Variants in PLCB1 observed in about 807,000 individuals in gnomAD.
PLCB1 encodes the protein 1-phosphatidylinositol 4,5-bisphosphate phosphodiesterase beta-1.
In PLCB1, 46 loss-of-function variants were observed where a neutral mutation model predicts 161.8. The ratio of observed to expected loss-of-function variants is 0.28; its 90% CI spans 0.22 to 0.36. The LOEUF (loss-of-function observed/expected upper bound fraction) is 0.36, where lower values mean the gene tolerates loss of function less well. PLCB1 is among the 10% of genes least tolerant of loss of function. PLCB1 has a pLI of 1.00. For synonymous variants in PLCB1, 517 were observed against 503.7 expected, an observed-to-expected ratio of 1.03 and a Z score of -0.35; for missense variants, 1,016 against 1,472.5, an observed-to-expected ratio of 0.69 and a Z score of 5.07.
intron 31 of PLCB1, among the ~76,000 whole-genome samples, chr20:8,803,556 T>C (rs1432397928): frequency 6.6e-6 from 1 of 152,040 alleles, no homozygotes; most frequent in Non-Finnish European, 1.5e-5. Flanking sequence ...GATCATTTTG[T>C]TTCTGTATTA....
intron 31 of PLCB1, among the ~76,000 whole-genome samples, chr20:8,820,733 A>C (rs1031330059): frequency 6.6e-5 from 10 of 152,156 alleles, no homozygotes; most frequent in Non-Finnish European, 1.3e-4. Context: ...AAAATAACCC[A>C]CCTATAATAG....
intron 31 of PLCB1, among the ~76,000 whole-genome samples, chr20:8,852,919 G>T (rs1456690703): frequency 6.6e-6 from 1 of 152,188 alleles, no homozygotes; most frequent in East Asian, 1.9e-4. Context: ...CCTGAGTGGT[G>T]GCCAGAAGTT....
intron 3 of PLCB1, among the ~76,000 whole-genome samples, chr20:8,388,296 T>C (rs1326912414): frequency 6.6e-6 from 1 of 152,214 alleles, no homozygotes; most frequent in Non-Finnish European, 1.5e-5. Context: ...TCATAGAATC[T>C]GGATGCCAAT....
At chr20:8,221,434 G>A (rs1359735921) in intron 2 of PLCB1, among the ~76,000 whole-genome samples, 5 of 152,054 alleles carry the variant, frequency 3.3e-5, no homozygotes, top group Admixed American at 6.6e-5. Context: ...ATAAAACCAA[G>A]AAATTGAAAG....
chr20:8,375,614 T>G (rs909767984), intron 3 of PLCB1, among the ~76,000 whole-genome samples: 4 of 152,202 alleles, frequency 2.6e-5, no homozygotes. Flanking sequence ...CAAGATCATT[T>G]CTTCAGCCTC....
At chr20:8,719,031 A>G (rs544207755) in intron 14 of PLCB1, among the ~76,000 whole-genome samples, 1 of 152,262 alleles carries the variant, frequency 6.6e-6, no homozygotes, top group South Asian at 2.1e-4. Context: ...GCTGTGGTTG[A>G]TGAGAAAAGA....
chr20:8,452,738 G>T (rs2122653004), intron 3 of PLCB1, among the ~76,000 whole-genome samples: 1 of 152,340 alleles, frequency 6.6e-6, no homozygotes, highest in Non-Finnish European at 1.5e-5. Flanking sequence ...AATGATATTT[G>T]ATTTGGGATT....
At position 8,177,642 on chromosome 20, in the gene PLCB1, T is replaced by A. The variant is rs549803241; in HGVS notation, c.177+27271T>A. Among the ~76,000 whole-genome samples, 245 of 152,258 alleles carry A rather than the reference T, an allele frequency of 1.6e-3. 1 individual carries two copies. The highest frequency in any genetic ancestry group is 5.7e-3 in the African/African-American group (237 of 41,572). Reference sequence around the variant, plus strand: ...TTATTATTATTATTATTACTATTTTTAAAATTTTACTTTACTCATGTTTGT... The same window carrying A: ...TTATTATTATTATTATTACTATTTTAAAAATTTTACTTTACTCATGTTTGT... On this transcript the variant is annotated intron_variant, in intron 2 of 31. Transcript: ENST00000338037.
At chr20:8,825,892 T>C (rs1006007229) in intron 31 of PLCB1, among the ~76,000 whole-genome samples, 4 of 152,052 alleles carry the variant, frequency 2.6e-5, no homozygotes, top group African/African-American at 9.7e-5. Context: ...TGGAGCCGGA[T>C]TGGCTGTAGG....
At chr20:8,724,830 A>C (rs750729994) in intron 16 of PLCB1, 78 bp downstream of exon 16, 2 of 790,210 alleles carry the variant, frequency 2.5e-6, no homozygotes, top group Non-Finnish European at 4.3e-6. Flanking sequence ...GGGACCAAAG[A>C]ATGTTACCCT....
chr20:8,761,776 T>C (rs1982043602), intron 25 of PLCB1, among the ~76,000 whole-genome samples: 1 of 150,598 alleles, frequency 6.6e-6, no homozygotes, highest in African/African-American at 2.4e-5. Flanking sequence ...CTATTTTTAG[T>C]AGAGACGGTG....
At chr20:8,859,435 T>A (rs185103135) in intron 31 of PLCB1, among the ~76,000 whole-genome samples, 1 of 152,128 alleles carries the variant, frequency 6.6e-6, no homozygotes, top group Non-Finnish European at 1.5e-5. Context: ...AGATCTGGAG[T>A]GGGCCTGAAG....
At chr20:8,624,343 A>G (rs1348795351) in intron 3 of PLCB1, among the ~76,000 whole-genome samples, 1 of 152,216 alleles carries the variant, frequency 6.6e-6, no homozygotes, top group Non-Finnish European at 1.5e-5. Context: ...ATAAAGATAC[A>G]TTTCATGAGT....
chr20:8,405,191 TTGA>T (rs1978731444), intron 3 of PLCB1, among the ~76,000 whole-genome samples: 1 of 152,104 alleles, frequency 6.6e-6, no homozygotes, highest in Non-Finnish European at 1.5e-5. Context: ...CAGCTGTGGG[TTGA>T]TGAAGTGGCT....
intron 3 of PLCB1, among the ~76,000 whole-genome samples, chr20:8,504,039 G>A (rs544045835): frequency 4.6e-5 from 7 of 152,234 alleles, no homozygotes; most frequent in African/African-American, 9.6e-5. Flanking sequence ...CAGAGGTGGA[G>A]AGGAGAGTTA....
At position 8,657,267 on chromosome 20, in the gene PLCB1, TA is replaced by T; in HGVS notation, c.680del (p.Asn227ThrfsTer19). The T allele has an allele frequency of 6.3e-7, 1 of 1,592,264 alleles. No homozygotes were observed. Among genetic ancestry groups the T allele is most frequent in the Non-Finnish European group, 8.6e-7 (1 of 1,160,340 alleles). On this transcript the variant is annotated frameshift_variant, in exon 8 of 32. Transcript: ENST00000338037. LOFTEE classifies it high-confidence loss of function. ...NNLCPRPEID[N>X]IFSEFGAKSK... is the part of the protein sequence containing the mutation. ...ACCTTTGCCCTCGACCTGAAATTGA[TA>T]ACATCTTTTCAGAATTGTAAGAGTA...
At chr20:8,448,295 A>C (rs903777256) in intron 3 of PLCB1, among the ~76,000 whole-genome samples, 2 of 152,200 alleles carry the variant, frequency 1.3e-5, no homozygotes, top group African/African-American at 4.8e-5. Context: ...CAGGCTCTGG[A>C]AACCTGAAAC....
At chr20:8,729,265 C>T (rs1386253710) in intron 18 of PLCB1, 91 bp downstream of exon 18, 4 of 1,176,078 alleles carry the variant, frequency 3.4e-6, no homozygotes, top group Non-Finnish European at 1.1e-6. Context: ...AGAAAATTGC[C>T]AGACTTCACT....
chr20:8,609,858 C>T (rs1281423115), intron 3 of PLCB1, among the ~76,000 whole-genome samples: 1 of 152,162 alleles, frequency 6.6e-6, no homozygotes, highest in Non-Finnish European at 1.5e-5. Context: ...GCATGGTATA[C>T]ACATCACAAA....
Sources: allele counts gnomAD v4.1 joint callset (sites outside exome capture counted in the v4.1 genomes callset), GRCh38; gene constraint gnomAD v4.1.1; transcripts MANE v1.5; gene names NCBI Gene and HGNC (gene_info 2026-07-23, HGNC 2026-07-21).